ZNF853: variants seen among roughly 807,000 people sequenced by gnomAD.
The protein encoded by ZNF853 is zinc finger protein 853.
In ZNF853, 57 loss-of-function variants were observed where a neutral mutation model predicts 94.7. The ratio of observed to expected loss-of-function variants is 0.60; its 90% CI spans 0.49 to 0.75. The LOEUF is 0.75. ZNF853 is among the 30% of genes least tolerant of loss of function. The pLI is 0.00. For synonymous variants in ZNF853, 448 were observed against 406.3 expected (o/e 1.10, Z -1.23); for missense variants, 785 against 868.9 (o/e 0.90, Z 1.21).
Position 6,624,114 on chromosome 7 carries a change from C to G in ZNF853, c.*1143C>G, listed in dbSNP as rs1413086289. 2 of 152,176 alleles carry G rather than the reference C, an allele frequency of 1.3e-5. No individual in the cohort carries two copies. The highest frequency in any genetic ancestry group is 1.5e-5 in the Non-Finnish European group (1 of 68,036). 9.4% of individuals were successfully genotyped at this position (152,176 alleles called of 1,614,324 possible). A position where few individuals can be genotyped will look rare whatever the true frequency, so the allele number is the denominator to read the frequency against. ...GAAGGTGGGGCAGGGAGGAGGCTGC[C>G]CGCCACCTCTGCCCCCAGTCACTTC... On this transcript the variant is annotated 3_prime_UTR_variant, in exon 3 of 3. Coordinates refer to ENST00000457543, the MANE Select transcript of ZNF853 (RefSeq NM_017560.3).
At chr7:6,620,997 T>C in intron 2 of ZNF853, 125 bp from the exon 3 acceptor site, 1 of 1,241,012 alleles carries the variant, frequency 8.1e-7, no homozygotes, top group Non-Finnish European at 1.1e-6. Flanking sequence ...TCCAGCACTT[T>C]CGGGCTCCTG....
intron 2 of ZNF853, among the ~76,000 whole-genome samples, chr7:6,618,304 A>G: frequency 2.6e-5 from 4 of 151,698 alleles, no homozygotes; most frequent in Admixed American, 2.6e-4. Context: ...CTCAAAAAAA[A>G]GAAGAAGAGG....
chr7:6,616,591 TG>T, intron 1 of ZNF853, among the ~76,000 whole-genome samples: 6 of 151,804 alleles, frequency 4.0e-5, no homozygotes, highest in Admixed American at 1.3e-4. Context: ...AAAAATTAGC[TG>T]GGGGTGATGG....
In ZNF853 at chr7:6,623,459, C is replaced by T. The variant is rs564798136; in HGVS notation, c.*488C>T. 48 of 397,914 alleles carry T rather than the reference C, an allele frequency of 1.2e-4. No homozygotes were observed. The highest frequency in any genetic ancestry group is 1.8e-4 in the Admixed American group (4 of 22,708). 24.6% of individuals were successfully genotyped at this position (397,914 alleles called of 1,614,324 possible). ...TTGTTTGCACTATGTAGAAACTGACCAAGGCATCGAATCGTCCTCAGAGGC... is the reference window on the plus strand; with the variant it reads ...TTGTTTGCACTATGTAGAAACTGACTAAGGCATCGAATCGTCCTCAGAGGC... On this transcript the variant is annotated 3_prime_UTR_variant, in exon 3 of 3. Transcript: ENST00000457543.
At position 6,622,250 on chromosome 7, in the gene ZNF853, G is replaced by C. The variant is rs1282127412; in HGVS notation, c.1259G>C (p.Gly420Ala). The change falls in exon 3 of 3, where the codon GGG becomes GCG. Residue 420 changes from glycine (G) to alanine (A), a missense_variant. By Grantham distance (60) the Gly-to-Ala change is moderately conservative. Transcript: ENST00000457543. The stretch of plus-strand genomic sequence containing the variant: ...CAGCTGGAACTGGTGCCAGCCGCAG[G>C]GGGCGGCGGAGCGGCGGTCCCGGGG... ...ELQLELVPAA[G>A]GGGAAVPGAP... 1.3e-6 allele frequency: 2 copies of C among 1,517,392 alleles called. No individual in the cohort carries two copies. The highest frequency in any genetic ancestry group is 1.8e-6 in the Non-Finnish European group (2 of 1,137,134). The allele number at this position is 1,517,392 out of a possible 1,614,324, so 94.0% of individuals were successfully genotyped here.
chr7:6,623,154 T>A lies in ZNF853; in HGVS notation c.*183T>A. On this transcript the variant is annotated 3_prime_UTR_variant, in exon 3 of 3. Coordinates refer to ENST00000457543, the MANE Select transcript of ZNF853 (RefSeq NM_017560.3). ...TGAGAAAATACCAGGTTCACAGATT[T>A]CACCGCCAGAAAAATCCATCCGCCA... 1.8e-6 allele frequency: 1 copy of A among 550,482 alleles called. No individual in the cohort carries two copies. Among genetic ancestry groups the A allele is most frequent in the East Asian group, 3.5e-5 (1 of 28,702 alleles). The allele number at this position is 550,482 out of a possible 1,614,324, so 34.1% of individuals were successfully genotyped here.
At position 6,622,286 on chromosome 7, in the gene ZNF853, C is replaced by G; in HGVS notation, c.1295C>G (p.Ala432Gly). 1.3e-6 allele frequency: 2 copies of G among 1,503,664 alleles called. No individual in the cohort carries two copies. The highest frequency in any genetic ancestry group is 2.8e-5 in the African/African-American group (2 of 71,756). 93.1% of individuals were successfully genotyped at this position (1,503,664 alleles called of 1,614,324 possible). A position where few individuals can be genotyped will look rare whatever the true frequency, so the allele number is the denominator to read the frequency against. Residue 432 changes from alanine (A) to glycine (G), a missense_variant, in exon 3 of 3, where the codon GCG becomes GGG. Ala to Gly is a moderately conservative substitution (Grantham distance 60). Coordinates refer to ENST00000457543, the MANE Select transcript of ZNF853 (RefSeq NM_017560.3). ...GGAAVPGAPA[A>G]VVVAPPGYVV... ...GCGGCGGTCCCGGGGGCTCCGGCCGCGGTCGTGGTGGCTCCCCCGGGCTAC... is the reference window on the plus strand; with the variant it reads ...GCGGCGGTCCCGGGGGCTCCGGCCGGGGTCGTGGTGGCTCCCCCGGGCTAC...
chr7:6,616,913 C>G, intron 1 of ZNF853, among the ~76,000 whole-genome samples: 2 of 152,152 alleles, frequency 1.3e-5, no homozygotes, highest in Admixed American at 6.5e-5. Context: ...GGCTACCCCA[C>G]TCTCCATCCC....
At position 6,623,197 on chromosome 7, in the gene ZNF853, G is replaced by C. The variant is rs925869215; in HGVS notation, c.*226G>C. 7.0e-6 allele frequency: 3 copies of C among 427,416 alleles called. No individual in the cohort carries two copies. Among genetic ancestry groups the C allele is most frequent in the Non-Finnish European group, 1.2e-5 (3 of 252,636 alleles). 26.5% of individuals were successfully genotyped at this position (427,416 alleles called of 1,614,324 possible). A position where few individuals can be genotyped will look rare whatever the true frequency, so the allele number is the denominator to read the frequency against. On this transcript the variant is annotated 3_prime_UTR_variant, in exon 3 of 3. Coordinates refer to ENST00000457543, the MANE Select transcript of ZNF853 (RefSeq NM_017560.3). ...ATCCGCCAAAAGAGAAGTGGACCGG[G>C]GCTGAAACAGCACACGGGACACGTT...
chr7:6,622,537 G>A lies in ZNF853; in HGVS notation c.1546G>A (p.Gly516Ser), dbSNP rs141528720. Residue 516 changes from glycine (G) to serine (S), a missense_variant, in exon 3 of 3, where the codon GGC (glycine) becomes AGC (serine). Gly to Ser is a moderately conservative substitution (Grantham distance 56). Coordinates refer to ENST00000457543, the MANE Select transcript of ZNF853 (RefSeq NM_017560.3). ...CACGGGTGAGCGGCCACACCGCTGCGGCGAGTGCGGCAAGGGCTTCTCGCA... is the reference window on the plus strand; with the variant it reads ...CACGGGTGAGCGGCCACACCGCTGCAGCGAGTGCGGCAAGGGCTTCTCGCA... ...THTGERPHRC[G>S]ECGKGFSQHS... The A allele has an allele frequency of 2.6e-6, 4 of 1,550,890 alleles. No individual in the cohort carries two copies. The highest frequency in any genetic ancestry group is 2.4e-5 in the East Asian group (1 of 40,942).
In ZNF853 at chr7:6,622,318, G is replaced by A; in HGVS notation, c.1327G>A (p.Val443Met). 1.3e-6 allele frequency: 2 copies of A among 1,507,224 alleles called. No individual in the cohort carries two copies. Among genetic ancestry groups the A allele is most frequent in the African/African-American group, 2.8e-5 (2 of 70,752 alleles). The allele number at this position is 1,507,224 out of a possible 1,614,324, so 93.4% of individuals were successfully genotyped here. Residue 443 changes from valine (V) to methionine (M), a missense_variant, in exon 3 of 3, where the codon GTG (valine) becomes ATG (methionine). Val to Met is a conservative substitution (Grantham distance 21, BLOSUM62 1). Transcript: ENST00000457543. ...GGTGGCTCCCCCGGGCTACGTGGTG[G>A]TGCAGGAGCTCATGGTGCTGCCCGC... ...VVVAPPGYVVVQELMVLPAVA... is the reference protein window; with the variant it reads ...VVVAPPGYVVMQELMVLPAVA...
intron 2 of ZNF853, 23 bp from the exon 3 acceptor site, chr7:6,621,099 G>C: frequency 6.8e-7 from 1 of 1,462,348 alleles, no homozygotes; most frequent in Non-Finnish European, 9.0e-7. Context: ...TTCTCTCTTG[G>C]CTTCCTGCCA....
At chr7:6,619,657 A>C in intron 2 of ZNF853, among the ~76,000 whole-genome samples, 1 of 152,192 alleles carries the variant, frequency 6.6e-6, no homozygotes, top group African/African-American at 2.4e-5. Flanking sequence ...TTCCATTACA[A>C]AATGGAAAAC....
Position 6,616,065 on chromosome 7 carries a change from CT to C in ZNF853, c.-107del. On this transcript the variant is annotated 5_prime_UTR_variant, in exon 1 of 3. Transcript: ENST00000457543. The stretch of plus-strand genomic sequence containing the variant: ...CGGGGTGGCCCTGCGCCTCCTGGCT[CT>C]TTCTGGATGGAGGCGCCTCCGGAAG... 1 of 1,156,932 alleles carries C rather than the reference CT, an allele frequency of 8.6e-7. No individual in the cohort carries two copies. The highest frequency in any genetic ancestry group is 1.2e-6 in the Non-Finnish European group (1 of 814,392). 71.7% of individuals were successfully genotyped at this position (1,156,932 alleles called of 1,614,324 possible).
intron 2 of ZNF853, among the ~76,000 whole-genome samples, chr7:6,619,500 G>A: frequency 6.6e-6 from 1 of 152,114 alleles, no homozygotes; most frequent in African/African-American, 2.4e-5. Flanking sequence ...TCAATCTCCT[G>A]ACCTCGTGAT....
chr7:6,616,741 A>G, intron 1 of ZNF853, among the ~76,000 whole-genome samples: 2 of 151,770 alleles, frequency 1.3e-5, no homozygotes, highest in African/African-American at 4.8e-5. Flanking sequence ...TATCAAGAAA[A>G]AAAAAAAAAA....
intron 2 of ZNF853, among the ~76,000 whole-genome samples, chr7:6,619,170 G>C: frequency 6.6e-6 from 1 of 151,810 alleles, no homozygotes; most frequent in Non-Finnish European, 1.5e-5. Flanking sequence ...CTCCCGAGTA[G>C]CTGGGACTAT....
intron 2 of ZNF853, among the ~76,000 whole-genome samples, chr7:6,619,472 A>C: frequency 2.0e-5 from 3 of 152,190 alleles, no homozygotes; most frequent in East Asian, 3.9e-4. Context: ...GGATTTCGTC[A>C]TGTTGGCCAG....
intron 2 of ZNF853, among the ~76,000 whole-genome samples, chr7:6,620,880 C>T: frequency 6.6e-6 from 1 of 152,244 alleles, no homozygotes; most frequent in East Asian, 1.9e-4. Context: ...TCTCAAAGTG[C>T]TGGGATTACA....
Sources: gnomAD v4.1 joint callset for allele counts (sites outside exome capture counted in the v4.1 genomes callset) on GRCh38, gnomAD v4.1.1 for gene constraint, MANE v1.5 for transcripts, NCBI Gene and HGNC (gene_info 2026-07-23, HGNC 2026-07-21) for gene names.